Variants in SPATA22 observed in about 807,000 individuals in gnomAD.
The protein encoded by SPATA22 is spermatogenesis-associated protein 22.
Under a neutral mutation model 47.8 loss-of-function variants are expected in SPATA22, and 29 were observed. The ratio of observed to expected loss-of-function variants is 0.61; its 90% CI spans 0.45 to 0.83. The LOEUF (loss-of-function observed/expected upper bound fraction) is 0.83, where lower values mean the gene tolerates loss of function less well. Among genes scored for constraint, SPATA22 ranks in the 40% least tolerant of loss-of-function variants. The pLI, the probability that SPATA22 is intolerant of heterozygous loss-of-function variation, is 0.00. For synonymous variants in SPATA22, 133 were observed against 140.9 expected (o/e 0.94, Z 0.40); for missense variants, 410 against 421.7 (o/e 0.97, Z 0.24).
At chr17:3,489,071 G>A (rs1165747311) in intron 1 of SPATA22, among the ~76,000 whole-genome samples, 2 of 151,980 alleles carry the variant, frequency 1.3e-5, no homozygotes, top group Admixed American at 6.5e-5. Flanking sequence ...TCTGCTTCAC[G>A]TTTTGCCAAA....
At chr17:3,497,092 G>A (rs555476586) in intron 1 of SPATA22, among the ~76,000 whole-genome samples, 3 of 152,162 alleles carry the variant, frequency 2.0e-5, no homozygotes, top group African/African-American at 7.2e-5. Context: ...GCTGATTTCT[G>A]AGTCCTCTTC....
chr17:3,469,386 T>C lies in SPATA22; in HGVS notation c.-61A>G. ...GCATTCCAAATTTATAATATGACAT[T>C]GTCCCACTAGACCTGCAAAGAAAGA... On this transcript the variant is annotated 5_prime_UTR_variant, in exon 2 of 9. Transcript: ENST00000572969. 7.5e-7 allele frequency: 1 copy of C among 1,332,664 alleles called. No individual in the cohort carries two copies. The highest frequency in any genetic ancestry group is 1.0e-6 in the Non-Finnish European group (1 of 964,148). 82.6% of individuals were successfully genotyped at this position (1,332,664 alleles called of 1,614,324 possible).
At chr17:3,492,049 G>A (rs904274610) in intron 1 of SPATA22, among the ~76,000 whole-genome samples, 2 of 151,892 alleles carry the variant, frequency 1.3e-5, no homozygotes, top group Non-Finnish European at 2.9e-5. Flanking sequence ...GCTAATTTCT[G>A]TGGTTTTTGT....
At chr17:3,456,660 T>C (rs1162688009) in intron 5 of SPATA22, among the ~76,000 whole-genome samples, 3 of 151,968 alleles carry the variant, frequency 2.0e-5, no homozygotes, top group African/African-American at 7.3e-5. Context: ...ACTATTCCAA[T>C]CAATAGAAAA....
chr17:3,487,086 G>GTGTGT (rs1567613838), intron 1 of SPATA22, among the ~76,000 whole-genome samples: 1 of 151,988 alleles, frequency 6.6e-6, no homozygotes, highest in Non-Finnish European at 1.5e-5. Flanking sequence ...GTGTGTGTGT[G>GTGTGT]ATCATAAGAG....
chr17:3,459,926 G>C (rs949506094), intron 5 of SPATA22, among the ~76,000 whole-genome samples: 1 of 152,076 alleles, frequency 6.6e-6, no homozygotes, highest in Admixed American at 6.6e-5. Context: ...CTCCTTTTAT[G>C]AATTACTGAC....
intron 5 of SPATA22, among the ~76,000 whole-genome samples, chr17:3,450,547 C>G (rs2072834478): frequency 6.6e-6 from 1 of 152,152 alleles, no homozygotes; most frequent in Non-Finnish European, 1.5e-5. Context: ...TCAGGCCAGT[C>G]TCAAACCCAT....
At chr17:3,460,925 G>T (rs2073112237) in intron 5 of SPATA22, among the ~76,000 whole-genome samples, 1 of 152,078 alleles carries the variant, frequency 6.6e-6, no homozygotes, top group South Asian at 2.1e-4. Flanking sequence ...AATTGTAGGG[G>T]CTTTGGCAAA....
At chr17:3,445,080 A>G (rs2072698161) in intron 7 of SPATA22, among the ~76,000 whole-genome samples, 1 of 152,118 alleles carries the variant, frequency 6.6e-6, no homozygotes, top group African/African-American at 2.4e-5. Context: ...TAATAGGCTC[A>G]GGTTATTTTA....
chr17:3,452,710 A>G (rs1246048420), intron 5 of SPATA22, among the ~76,000 whole-genome samples: 1 of 152,160 alleles, frequency 6.6e-6, no homozygotes, highest in Non-Finnish European at 1.5e-5. Flanking sequence ...GAGACATACA[A>G]TGGATTTCTC....
At chr17:3,441,241 T>C (rs2072591212) in intron 8 of SPATA22, 1 of 151,934 alleles carries the variant, frequency 6.6e-6, no homozygotes, top group African/African-American at 2.4e-5. Flanking sequence ...AAGCAAACCA[T>C]GGATATGAGA....
chr17:3,471,361 CA>C, intron 1 of SPATA22: 2 of 925,362 alleles, frequency 2.2e-6, no homozygotes, highest in Non-Finnish European at 2.6e-6. Context: ...GAATAAACAA[CA>C]ACAAAATTTT....
chr17:3,496,882 C>T (rs185878294), intron 1 of SPATA22, among the ~76,000 whole-genome samples: 37 of 152,106 alleles, frequency 2.4e-4, no homozygotes, highest in Admixed American at 1.2e-3. Context: ...CTGGCTAACA[C>T]GGTGAAACCC....
intron 6 of SPATA22, 71 bp from the exon 7 acceptor site, chr17:3,446,672 C>T (rs781019299): frequency 1.8e-5 from 22 of 1,228,602 alleles, no homozygotes; most frequent in African/African-American, 1.3e-4. Context: ...TTACCTTCTA[C>T]GTAAAAATTC....
At chr17:3,507,491 T>C (rs1567623780) in intron 1 of SPATA22, among the ~76,000 whole-genome samples, 1 of 152,228 alleles carries the variant, frequency 6.6e-6, no homozygotes, top group Non-Finnish European at 1.5e-5. Context: ...GTGAGATACA[T>C]TTTTTGAGTT....
At position 3,448,801 on chromosome 17, in the gene SPATA22, A is replaced by G. The variant is rs774978996; in HGVS notation, c.672+6T>C. 1.3e-6 allele frequency: 2 copies of G among 1,568,052 alleles called. No individual in the cohort carries two copies. The highest frequency in any genetic ancestry group is 1.9e-5 in the Admixed American group (1 of 51,994). On this transcript the variant is annotated splice_donor_region_variant and intron_variant, in intron 6 of 8. Coordinates refer to ENST00000572969, the MANE Select transcript of SPATA22 (RefSeq NM_001170698.2). ...ATAAGTCATTAATTTGTATTTAAAC[A>G]TTTACCTTCAGGGTGTTGTCTTCTG...
Position 3,462,467 on chromosome 17 carries a change from T to C in SPATA22, c.329+16A>G, listed in dbSNP as rs751981898. On this transcript the variant is annotated intron_variant, in intron 5 of 8. Coordinates refer to ENST00000572969, the MANE Select transcript of SPATA22 (RefSeq NM_001170698.2). ...GAGAAGGAATAGAAGAAGAAAGAAA[T>C]TTTAAGTAGACTCACCTCCAACCAC... 1 of 1,550,608 alleles carries C rather than the reference T, an allele frequency of 6.4e-7. No individual in the cohort carries two copies. Among genetic ancestry groups the C allele is most frequent in the South Asian group, 1.2e-5 (1 of 83,168 alleles).
intron 1 of SPATA22, among the ~76,000 whole-genome samples, chr17:3,469,960 G>T (rs2073390131): frequency 6.6e-6 from 1 of 152,006 alleles, no homozygotes. Context: ...AGGAGTGGTG[G>T]CGGGCGCCTG....
intron 1 of SPATA22, chr17:3,502,668 C>G (rs2074004898): frequency 1.3e-5 from 2 of 152,236 alleles, no homozygotes; most frequent in African/African-American, 4.8e-5. Flanking sequence ...CACAGCATTG[C>G]TACTGTGGCA....
Sources: allele counts gnomAD v4.1 joint callset (sites outside exome capture counted in the v4.1 genomes callset), GRCh38; gene constraint gnomAD v4.1.1; transcripts MANE v1.5; gene names NCBI Gene and HGNC (gene_info 2026-07-23, HGNC 2026-07-21).